Variants in NCOA1 observed in about 807,000 individuals in gnomAD.
NCOA1 encodes Hin-2 protein.
Under a neutral mutation model 150.9 loss-of-function variants are expected in NCOA1, and 35 were observed. The ratio of observed to expected loss-of-function variants is 0.23; its 90% CI spans 0.18 to 0.31. The LOEUF is 0.31. Ranked by LOEUF, NCOA1 falls within the 10% of genes least tolerant of loss-of-function variation. The pLI is 1.00. For synonymous variants in NCOA1, 590 were observed against 630.0 expected, an observed-to-expected ratio of 0.94 and a Z score of 0.95; for missense variants, 1,491 against 1,749.3, an observed-to-expected ratio of 0.85 and a Z score of 2.63.
chr2:24,637,634 C>A (rs1669998656), intron 3 of NCOA1, among the ~76,000 whole-genome samples: 1 of 150,672 alleles, frequency 6.6e-6, no homozygotes, highest in African/African-American at 2.4e-5. Flanking sequence ...TGCAAGCATT[C>A]ATTACCTTCC....
intron 3 of NCOA1, among the ~76,000 whole-genome samples, chr2:24,628,931 G>A (rs1669551266): frequency 6.6e-6 from 1 of 152,176 alleles, no homozygotes. Flanking sequence ...TGGAAGGGGT[G>A]TGTAAGCAGG....
intron 19 of NCOA1, among the ~76,000 whole-genome samples, chr2:24,750,071 TA>T: frequency 6.6e-6 from 1 of 151,500 alleles, no homozygotes; most frequent in South Asian, 2.1e-4. Context: ...CTAGATGAGA[TA>T]AACAGCAGAT....
In NCOA1 at chr2:24,678,738, G is replaced by T. The variant is rs138394562; in HGVS notation, c.355-4213G>T. Among the ~76,000 whole-genome samples the T allele has an allele frequency of 5.4e-3, 824 of 152,154 alleles. 9 individuals carry two copies. Among genetic ancestry groups the T allele is most frequent in the African/African-American group, 0.019 (774 of 41,520 alleles). On this transcript the variant is annotated intron_variant, in intron 7 of 22. Coordinates refer to ENST00000348332, the MANE Select transcript of NCOA1 (RefSeq NM_003743.5). ...GCCTGCTTTTTAATGGGGTTGTTTG[G>T]TTTTTTCTTGTAAATTTGTTTAAGT...
In NCOA1 at chr2:24,516,545, T is replaced by C. The variant is rs910467771; in HGVS notation, c.-396+24943T>C. ...GCAAAGATAAAAGTTCATTACATTG[T>C]GTCATTACGCAGTGACATTATGTCA... On this transcript the variant is annotated intron_variant, in intron 1 of 22. Transcript: ENST00000348332. Among the ~76,000 whole-genome samples the C allele has an allele frequency of 3.8e-4, 58 of 151,700 alleles. 1 individual carries two copies. The highest frequency in any genetic ancestry group is 1.1e-3 in the African/African-American group (47 of 41,302).
At position 24,632,759 on chromosome 2, in the gene NCOA1, G is replaced by A. The variant is rs1037330231; in HGVS notation, c.-174-11207G>A. Among the ~76,000 whole-genome samples, 4 of 152,256 alleles carry A rather than the reference G, an allele frequency of 2.6e-5. No homozygotes were observed. In the East Asian group the frequency reaches 7.7e-4, roughly 29 times the overall value. Reference sequence around the variant, plus strand: ...TAAGTTTGTTTCTTATAGGGGTATAGGTTAACAGTGTAAACTACATTACCT... The same window carrying A: ...TAAGTTTGTTTCTTATAGGGGTATAAGTTAACAGTGTAAACTACATTACCT... On this transcript the variant is annotated intron_variant, in intron 3 of 22. Transcript: ENST00000348332.
At position 24,707,261 on chromosome 2, in the gene NCOA1, A is replaced by C. The variant is rs375058922; in HGVS notation, c.1791A>C (p.Gln597His). Residue 597 changes from glutamine (Q) to histidine (H), a missense_variant, in exon 13 of 23, where the codon CAA becomes CAC. Around this residue, in one of 8 missense-constraint regions of NCOA1, gnomAD observed 703 missense variants for 717.7 expected, o/e 0.98. Transcript: ENST00000348332. Reference protein sequence around the residue: ...EIASILNEMIQSDNSSSDGKP... With the variant: ...EIASILNEMIHSDNSSSDGKP... ...CCTCAATTTTAAATGAAATGATTCA[A>C]TCTGACAACAGCTCTAGTGATGGCA... 1.5e-5 allele frequency: 25 copies of C among 1,614,228 alleles called. No individual in the cohort carries two copies. The highest frequency in any genetic ancestry group is 2.1e-5 in the Non-Finnish European group (25 of 1,180,032).
intron 19 of NCOA1, among the ~76,000 whole-genome samples, chr2:24,750,463 G>A (rs1392578449): frequency 1.3e-5 from 2 of 152,176 alleles, no homozygotes; most frequent in East Asian, 3.8e-4. Context: ...AGTTTTGACA[G>A]GTCAGATGGC....
At chr2:24,716,189 T>C (rs1365838409) in intron 14 of NCOA1, among the ~76,000 whole-genome samples, 1 of 150,984 alleles carries the variant, frequency 6.6e-6, no homozygotes, top group East Asian at 1.9e-4. Flanking sequence ...TTAGTAAAAT[T>C]TGACAAGCTT....
intron 3 of NCOA1, among the ~76,000 whole-genome samples, chr2:24,589,942 T>C (rs972589546): frequency 3.3e-5 from 5 of 152,168 alleles, no homozygotes; most frequent in Non-Finnish European, 5.9e-5. Flanking sequence ...TTTTTTCTAA[T>C]TTATATCATC....
chr2:24,663,869 C>T (rs1267793721), intron 5 of NCOA1, among the ~76,000 whole-genome samples: 1 of 152,140 alleles, frequency 6.6e-6, no homozygotes, highest in Non-Finnish European at 1.5e-5. Context: ...TCACTTTTTT[C>T]TTTTCCTCTA....
chr2:24,676,682 T>C (rs1434837863), intron 7 of NCOA1, among the ~76,000 whole-genome samples: 1 of 152,156 alleles, frequency 6.6e-6, no homozygotes, highest in East Asian at 1.9e-4. Context: ...ACAAAGATCA[T>C]TGAGATTCAG....
At chr2:24,492,311 G>A (rs1035726252) in intron 1 of NCOA1, 1 of 152,292 alleles carries the variant, frequency 6.6e-6, no homozygotes, top group Admixed American at 6.5e-5. Flanking sequence ...TTGGGAGGTG[G>A]GGTTGGTTAG....
intron 11 of NCOA1, among the ~76,000 whole-genome samples, chr2:24,699,088 A>G (rs1452705035): frequency 1.3e-5 from 2 of 152,182 alleles, no homozygotes; most frequent in African/African-American, 2.4e-5. Context: ...CCATTACAAT[A>G]AGTAACTAAT....
At chr2:24,590,017 A>C (rs1379102333) in intron 3 of NCOA1, among the ~76,000 whole-genome samples, 1 of 152,190 alleles carries the variant, frequency 6.6e-6, no homozygotes, top group Non-Finnish European at 1.5e-5. Flanking sequence ...TCTGCTCTGT[A>C]CTGTGGAAGA....
At chr2:24,689,440 ACT>A (rs1345241605) in intron 8 of NCOA1, among the ~76,000 whole-genome samples, 6 of 150,722 alleles carry the variant, frequency 4.0e-5, no homozygotes, top group African/African-American at 1.5e-4. Context: ...ATGGAGTCTC[ACT>A]CTGTCACCCA....
intron 3 of NCOA1, among the ~76,000 whole-genome samples, chr2:24,624,942 A>G (rs1301633782): frequency 6.6e-6 from 1 of 152,190 alleles, no homozygotes; most frequent in Non-Finnish European, 1.5e-5. Flanking sequence ...TGCCAACCAT[A>G]CGGGAGCTAC....
At position 24,491,281 on chromosome 2, in the gene NCOA1, C is replaced by T. The variant is rs1168013226; in HGVS notation, c.-717C>T. Among the ~76,000 whole-genome samples the T allele has an allele frequency of 1.4e-5, 2 of 146,200 alleles. No individual in the cohort carries two copies. Among genetic ancestry groups the T allele is most frequent in the Non-Finnish European group, 1.5e-5 (1 of 65,892 alleles). ...CGGCGGTGGCGGCCGAGGAGGAGAA[C>T]ATGGCGGCCGCGGAGAGCGGCTGAA... On this transcript the variant is annotated 5_prime_UTR_variant, in exon 1 of 23. Coordinates refer to ENST00000348332, the MANE Select transcript of NCOA1 (RefSeq NM_003743.5).
chr2:24,741,759 A>G (rs762716843), intron 18 of NCOA1, 25 bp from the exon 19 acceptor site: 26 of 1,587,358 alleles, frequency 1.6e-5, no homozygotes, highest in South Asian at 9.2e-5. Flanking sequence ...TAATTTTAGT[A>G]AGTGAGTTTT....
chr2:24,712,781 A>G (rs1181169429), intron 14 of NCOA1, among the ~76,000 whole-genome samples: 1 of 152,066 alleles, frequency 6.6e-6, no homozygotes, highest in African/African-American at 2.4e-5. Flanking sequence ...TAGGTATCCA[A>G]CTTTTTTTTT....
Sources: allele counts gnomAD v4.1 joint callset (sites outside exome capture counted in the v4.1 genomes callset), GRCh38; gene constraint gnomAD v4.1.1; regional missense constraint gnomAD v4.1.1; transcripts MANE v1.5; gene names NCBI Gene and HGNC (gene_info 2026-07-23, HGNC 2026-07-21).